RIC8B: variants seen among roughly 807,000 people sequenced by gnomAD.
RIC8B encodes RIC8 guanine nucleotide exchange factor B.
In RIC8B, 16 loss-of-function variants were observed where a neutral mutation model predicts 57.5. The ratio of observed to expected loss-of-function variants is 0.28; its 90% CI spans 0.19 to 0.42. The LOEUF is 0.42. RIC8B is among the 10% of genes least tolerant of loss of function. The pLI is 1.00. For synonymous variants in RIC8B, 216 were observed against 250.8 expected, an observed-to-expected ratio of 0.86 and a Z score of 1.31; for missense variants, 481 against 677.0, an observed-to-expected ratio of 0.71 and a Z score of 3.21.
At chr12:106,877,681 T>C (rs1472429700) in intron 9 of RIC8B, among the ~76,000 whole-genome samples, 1 of 152,188 alleles carries the variant, frequency 6.6e-6, no homozygotes, top group Non-Finnish European at 1.5e-5. Context: ...TGTGATCACA[T>C]TAATAAAACC....
chr12:106,789,598 C>T (rs1368573976), intron 2 of RIC8B, among the ~76,000 whole-genome samples: 1 of 152,102 alleles, frequency 6.6e-6, no homozygotes, highest in East Asian at 1.9e-4. Flanking sequence ...AACCCATCAG[C>T]TTTCATGAGA....
chr12:106,837,517 A>G (rs1413941098), intron 4 of RIC8B, among the ~76,000 whole-genome samples: 16 of 151,758 alleles, frequency 1.1e-4, no homozygotes, highest in African/African-American at 3.6e-4. Flanking sequence ...GAGGACAGGA[A>G]TTTTTTCTTT....
At chr12:106,785,541 G>A (rs1257166836) in intron 2 of RIC8B, among the ~76,000 whole-genome samples, 1 of 151,980 alleles carries the variant, frequency 6.6e-6, no homozygotes, top group Non-Finnish European at 1.5e-5. Flanking sequence ...CACATAATAG[G>A]CACTCAAAAA....
intron 4 of RIC8B, among the ~76,000 whole-genome samples, chr12:106,841,732 C>T (rs915618110): frequency 6.6e-6 from 1 of 152,076 alleles, no homozygotes; most frequent in Non-Finnish European, 1.5e-5. Flanking sequence ...CCAGTTAGCC[C>T]AGAACACCAC....
intron 2 of RIC8B, among the ~76,000 whole-genome samples, chr12:106,812,545 T>C (rs996279894): frequency 1.3e-5 from 2 of 152,014 alleles, no homozygotes; most frequent in Non-Finnish European, 2.9e-5. Context: ...AGTTCACATA[T>C]ATAATATTTT....
At chr12:106,810,942 A>G (rs1300085092) in intron 2 of RIC8B, among the ~76,000 whole-genome samples, 1 of 152,204 alleles carries the variant, frequency 6.6e-6, no homozygotes, top group African/African-American at 2.4e-5. Flanking sequence ...AATTGTTCAG[A>G]AGAAGAGCCA....
chr12:106,858,210 T>C (rs1031520519), intron 7 of RIC8B, among the ~76,000 whole-genome samples: 3 of 152,208 alleles, frequency 2.0e-5, no homozygotes, highest in Non-Finnish European at 4.4e-5. Context: ...ATTATTGTTA[T>C]TTTGTCTTTA....
chr12:106,842,935 T>C (rs1949022862), intron 5 of RIC8B, 118 bp downstream of exon 5: 1 of 605,178 alleles, frequency 1.7e-6, no homozygotes, highest in Non-Finnish European at 2.9e-6. Flanking sequence ...TTCTGACTGA[T>C]GTGCTGCATA....
At chr12:106,837,085 C>T (rs1318882897) in intron 4 of RIC8B, among the ~76,000 whole-genome samples, 1 of 152,222 alleles carries the variant, frequency 6.6e-6, no homozygotes, top group Admixed American at 6.5e-5. Context: ...ATAACCCGGC[C>T]GGGCGCAGTG....
chr12:106,866,777 G>T (rs1225443510), intron 8 of RIC8B, among the ~76,000 whole-genome samples: 3 of 152,172 alleles, frequency 2.0e-5, no homozygotes, highest in East Asian at 3.9e-4. Context: ...TGAAAAAATG[G>T]AAGTTCTGTT....
chr12:106,808,646 GTACC>G (rs910347953), intron 2 of RIC8B, among the ~76,000 whole-genome samples: 1 of 152,060 alleles, frequency 6.6e-6, no homozygotes, highest in Admixed American at 6.6e-5. Flanking sequence ...CTCACCTTAT[GTACC>G]TATCTCAACA....
intron 8 of RIC8B, among the ~76,000 whole-genome samples, chr12:106,861,886 AGT>A (rs1277070094): frequency 6.6e-6 from 1 of 152,152 alleles, no homozygotes; most frequent in Non-Finnish European, 1.5e-5. Context: ...AAAACTCATG[AGT>A]ACTCATACAT....
At chr12:106,807,365 G>C (rs2045087386) in intron 2 of RIC8B, among the ~76,000 whole-genome samples, 1 of 152,194 alleles carries the variant, frequency 6.6e-6, no homozygotes, top group South Asian at 2.1e-4. Context: ...GCAGTGAATG[G>C]CTCTGCTTTA....
At chr12:106,877,827 T>A (rs1167276057) in intron 9 of RIC8B, among the ~76,000 whole-genome samples, 1 of 152,174 alleles carries the variant, frequency 6.6e-6, no homozygotes, top group Non-Finnish European at 1.5e-5. Flanking sequence ...CAATTTTTTT[T>A]AAGCTCACCA....
intron 6 of RIC8B, 131 bp from the exon 7 acceptor site, chr12:106,851,314 CCTTTT>C: frequency 1.8e-6 from 1 of 556,898 alleles, no homozygotes; most frequent in Non-Finnish European, 2.9e-6. Context: ...TGGAAGCTAA[CCTTTT>C]TTTTTTTTTT....
rs371289494 is a variant in RIC8B at position 106,833,317 on chromosome 12, A to G, written c.836+7497A>G. ...TAACCTGCCACAAACTTTCAAAATT[A>G]TCAGCTGGGCGTGGTGGCTCACGCC... On this transcript the variant is annotated intron_variant, in intron 4 of 9. Coordinates refer to ENST00000392837, the MANE Select transcript of RIC8B (RefSeq NM_001330145.2). Among the ~76,000 whole-genome samples the G allele has an allele frequency of 3.9e-5, 6 of 152,336 alleles. No homozygotes were observed. In the East Asian group the frequency reaches 7.7e-4, roughly 20 times the overall value.
intron 2 of RIC8B, among the ~76,000 whole-genome samples, chr12:106,785,803 C>CTCTCTCTCTCTCTCTCTCTCTCTT (rs2043983304): frequency 7.9e-6 from 1 of 126,886 alleles, no homozygotes. Context: ...CTCTCTCTCT[C>CTCTCTCTCTCTCTCTCTCTCTCTT]TCTCTCTCTC....
chr12:106,836,981 C>T (rs1007713312), intron 4 of RIC8B, among the ~76,000 whole-genome samples: 1 of 152,212 alleles, frequency 6.6e-6, no homozygotes, highest in African/African-American at 2.4e-5. Context: ...CTCTGATGCT[C>T]CTTCCTCAGT....
intron 6 of RIC8B, 146 bp downstream of exon 6, chr12:106,844,093 T>C: frequency 1.5e-6 from 1 of 664,448 alleles, no homozygotes; most frequent in East Asian, 2.7e-5. Flanking sequence ...AATCAAGAAG[T>C]GTGTATTTTT....
Sources: gnomAD v4.1 joint callset for allele counts (sites outside exome capture counted in the v4.1 genomes callset) on GRCh38, gnomAD v4.1.1 for gene constraint, MANE v1.5 for transcripts, NCBI Gene and HGNC (gene_info 2026-07-23, HGNC 2026-07-21) for gene names.